The following FRS2 variants were observed in gnomAD, a reference collection of about 807,000 sequenced individuals.
The protein encoded by FRS2 is fibroblast growth factor receptor substrate 2.
Under a neutral mutation model 43.9 loss-of-function variants are expected in FRS2, and 8 were observed. That is an observed-to-expected ratio of 0.18 (90% confidence interval 0.11 to 0.33). The LOEUF is 0.33. Ranked by LOEUF, FRS2 falls within the 10% of genes least tolerant of loss-of-function variation. The pLI is 1.00. For missense variants in FRS2, 534 were observed against 627.6 expected (o/e 0.85, Z 1.59); for synonymous variants, 219 against 220.3 (o/e 0.99, Z 0.05).
intron 8 of FRS2, 43 bp downstream of exon 8, chr12:69,572,324 A>T: frequency 1.4e-6 from 2 of 1,480,850 alleles, no homozygotes; most frequent in Non-Finnish European, 1.9e-6. Context: ...GATTGTTCAG[A>T]GTTAGGGTAT....
intron 3 of FRS2, among the ~76,000 whole-genome samples, chr12:69,538,938 C>T (rs535838740): frequency 5.3e-5 from 8 of 152,026 alleles, no homozygotes; most frequent in African/African-American, 1.7e-4. Flanking sequence ...ACACAGAGGC[C>T]CTCCTAGATG....
intron 1 of FRS2, among the ~76,000 whole-genome samples, chr12:69,487,551 C>G (rs913107467): frequency 6.6e-6 from 1 of 152,204 alleles, no homozygotes; most frequent in Non-Finnish European, 1.5e-5. Flanking sequence ...GACAATGTAC[C>G]TGGTCACTCA....
At chr12:69,493,592 A>G (rs990477751) in intron 1 of FRS2, among the ~76,000 whole-genome samples, 1 of 152,178 alleles carries the variant, frequency 6.6e-6, no homozygotes. Context: ...ATGGTGGCGC[A>G]TGCCTGTAAT....
At chr12:69,572,770 C>T (rs1349258357) in intron 8 of FRS2, among the ~76,000 whole-genome samples, 1 of 152,200 alleles carries the variant, frequency 6.6e-6, no homozygotes, top group East Asian at 1.9e-4. Context: ...CCATATGTCA[C>T]ATTAAAAAGT....
At chr12:69,556,140 A>G (rs756971102) in intron 3 of FRS2, among the ~76,000 whole-genome samples, 6 of 152,138 alleles carry the variant, frequency 3.9e-5, no homozygotes, top group Admixed American at 2.6e-4. Flanking sequence ...GCCTCAAGCA[A>G]TCCTCCTGCC....
In FRS2 at chr12:69,550,850, T is replaced by C. The variant is rs536744888; in HGVS notation, c.-121-11330T>C. Among the ~76,000 whole-genome samples, 11 of 152,348 alleles carry C rather than the reference T, an allele frequency of 7.2e-5. No individual in the cohort carries two copies. The South Asian group carries it at 1.2e-3, about 17-fold the overall frequency. Reference sequence around the variant, plus strand: ...TGTACATAATTATAGGAAACCAATATTCTTTGTAGCTGTTGAATTAAGTTC... The same window carrying C: ...TGTACATAATTATAGGAAACCAATACTCTTTGTAGCTGTTGAATTAAGTTC... On this transcript the variant is annotated intron_variant, in intron 3 of 8. Coordinates refer to ENST00000549921, the MANE Select transcript of FRS2 (RefSeq NM_001278356.2).
rs1881414763 is a variant in FRS2, at chr12:69,579,491, C to A, written c.*4536C>A. The stretch of plus-strand genomic sequence containing the variant: ...AGGGCTAAGCAACACATTTTTAAAT[C>A]CTTATTTATTGTAGAGTATTAGTAT... On this transcript the variant is annotated 3_prime_UTR_variant, in exon 9 of 9. Transcript: ENST00000549921. 1 of 152,524 alleles carries A rather than the reference C, an allele frequency of 6.6e-6. No homozygotes were observed. The highest frequency in any genetic ancestry group is 6.5e-5 in the Admixed American group (1 of 15,274). The allele number at this position is 152,524 out of a possible 1,614,324, so 9.4% of individuals were successfully genotyped here. A position where few individuals can be genotyped will look rare whatever the true frequency, so the allele number is the denominator to read the frequency against.
intron 1 of FRS2, among the ~76,000 whole-genome samples, chr12:69,507,052 A>C (rs553592563): frequency 6.6e-6 from 1 of 152,336 alleles, no homozygotes; most frequent in East Asian, 1.9e-4. Flanking sequence ...GAAGGCTCTC[A>C]CCAAATGCGG....
chr12:69,574,361 G>A lies in FRS2; in HGVS notation c.933G>A (p.Gly311=), dbSNP rs1593079713. ...VNKLVYENIN[G]LSIPSASGVR... ...AACTGGTGTATGAAAATATAAATGGGCTATCTATCCCTAGTGCCTCAGGGG... is the reference window on the plus strand; with the variant it reads ...AACTGGTGTATGAAAATATAAATGGACTATCTATCCCTAGTGCCTCAGGGG... Residue 311 remains glycine, a synonymous_variant, in exon 9 of 9, where the codon GGG becomes GGA. Transcript: ENST00000549921. The A allele has an allele frequency of 3.1e-6, 5 of 1,613,768 alleles. No individual in the cohort carries two copies. In the East Asian group the frequency reaches 1.1e-4, roughly 36 times the overall value.
intron 1 of FRS2, among the ~76,000 whole-genome samples, chr12:69,498,544 TG>T (rs1444340122): frequency 4.6e-5 from 7 of 152,042 alleles, no homozygotes; most frequent in Non-Finnish European, 1.0e-4. Context: ...TGTGTGTGTG[TG>T]TGTGTGTTTG....
chr12:69,516,308 T>C (rs1875022716), intron 1 of FRS2, among the ~76,000 whole-genome samples: 1 of 151,794 alleles, frequency 6.6e-6, no homozygotes, highest in Non-Finnish European at 1.5e-5. Flanking sequence ...AACCTCCGCC[T>C]CCCTGGTTCA....
chr12:69,472,037 A>C (rs1485376970), intron 1 of FRS2, among the ~76,000 whole-genome samples: 1 of 152,154 alleles, frequency 6.6e-6, no homozygotes, highest in Non-Finnish European at 1.5e-5. Context: ...TCCTTGGAAA[A>C]AATTGTGGAG....
intron 1 of FRS2, among the ~76,000 whole-genome samples, chr12:69,518,107 C>T (rs1489107760): frequency 1.3e-5 from 2 of 152,184 alleles, no homozygotes; most frequent in Non-Finnish European, 1.5e-5. Flanking sequence ...CACTATTTCA[C>T]AGCAGTAGTT....
At chr12:69,549,534 G>A (rs1744667264) in intron 3 of FRS2, among the ~76,000 whole-genome samples, 1 of 152,146 alleles carries the variant, frequency 6.6e-6, no homozygotes, top group South Asian at 2.1e-4. Context: ...TTCTTAACCA[G>A]TAATGGACTC....
At chr12:69,525,841 CTTTA>C (rs63098663) in intron 1 of FRS2, among the ~76,000 whole-genome samples, 56,893 of 151,354 alleles carry the variant, frequency 0.38, 11,084 homozygotes, top group South Asian at 0.57. Flanking sequence ...CTTTGGGAAA[CTTTA>C]TTTATTTTGA....
chr12:69,502,052 G>T (rs567268942), intron 1 of FRS2, among the ~76,000 whole-genome samples: 2 of 151,610 alleles, frequency 1.3e-5, no homozygotes, highest in South Asian at 4.2e-4. Context: ...TGAAACCTCC[G>T]CCTTCTGGAT....
chr12:69,550,783 G>A (rs1194754857), intron 3 of FRS2, among the ~76,000 whole-genome samples: 2 of 152,224 alleles, frequency 1.3e-5, no homozygotes, highest in Non-Finnish European at 2.9e-5. Context: ...TAATTTACAT[G>A]TGGAAAATTT....
intron 4 of FRS2, among the ~76,000 whole-genome samples, chr12:69,567,199 C>T (rs1455118396): frequency 6.6e-6 from 1 of 152,094 alleles, no homozygotes; most frequent in African/African-American, 2.4e-5. Flanking sequence ...CCCCTTGATA[C>T]TCACAGCTCT....
chr12:69,530,102 T>G (rs905365619), intron 1 of FRS2, among the ~76,000 whole-genome samples: 7 of 152,050 alleles, frequency 4.6e-5, no homozygotes, highest in Admixed American at 6.6e-5. Flanking sequence ...AAAAACCCCT[T>G]CTGTGGTTTA....
Sources: gnomAD v4.1 joint callset for allele counts (sites outside exome capture counted in the v4.1 genomes callset) on GRCh38, gnomAD v4.1.1 for gene constraint, MANE v1.5 for transcripts, NCBI Gene and HGNC (gene_info 2026-07-23, HGNC 2026-07-21) for gene names.